ADCY1: variants seen among roughly 807,000 people sequenced by gnomAD.
ADCY1 encodes adenylate cyclase type 1.
ADCY1 carries 28 observed loss-of-function variants against 105.4 expected under a neutral mutation model. That is an observed-to-expected ratio of 0.27 (90% CI 0.20 to 0.36). The LOEUF (loss-of-function observed/expected upper bound fraction) is 0.36, where lower values mean the gene tolerates loss of function less well. ADCY1 is among the 10% of genes least tolerant of loss of function. The pLI is 1.00. For missense variants in ADCY1, 977 were observed against 1,434.2 expected (o/e 0.68, Z 5.15); for synonymous variants, 655 against 623.8 (o/e 1.05, Z -0.75).
At chr7:45,693,717 A>G (rs1312532588) in intron 14 of ADCY1, among the ~76,000 whole-genome samples, 1 of 150,356 alleles carries the variant, frequency 6.7e-6, no homozygotes, top group Admixed American at 6.7e-5. Context: ...AACCAACCCA[A>G]ATGTCCAACA....
In ADCY1 at chr7:45,693,108, G is replaced by A. The variant is rs1342970248; in HGVS notation, c.2454+6435G>A. ...GTTTCCAACATTCCTTTCGAAAAGCGATAGAATCGCTGGACAGAAAATCAG... is the reference window on the plus strand; with the variant it reads ...GTTTCCAACATTCCTTTCGAAAAGCAATAGAATCGCTGGACAGAAAATCAG... On this transcript the variant is annotated intron_variant, in intron 14 of 19. Transcript: ENST00000297323. 4.6e-5 allele frequency among the ~76,000 whole-genome samples: 7 copies of A among 152,288 alleles called. No homozygotes were observed. In the East Asian group the frequency reaches 1.2e-3, roughly 25 times the overall value.
At chr7:45,605,958 A>C (rs1461786765) in intron 2 of ADCY1, among the ~76,000 whole-genome samples, 1 of 151,688 alleles carries the variant, frequency 6.6e-6, no homozygotes, top group African/African-American at 2.4e-5. Context: ...GTTTTTGATG[A>C]TTTTCTGTGA....
Position 45,717,764 on chromosome 7 carries a change from G to T in ADCY1, c.*3769G>T, listed in dbSNP as rs1332377335. The T allele has an allele frequency of 1.3e-5, 2 of 152,444 alleles. No individual in the cohort carries two copies. The highest frequency in any genetic ancestry group is 2.9e-5 in the Non-Finnish European group (2 of 68,064). 9.4% of individuals were successfully genotyped at this position (152,444 alleles called of 1,614,324 possible). ...GGCCCGGGTGGTCCATGCCTGCGGGGTGTCTGTATCCTGCAGGAGGACGCC... is the reference window on the plus strand; with the variant it reads ...GGCCCGGGTGGTCCATGCCTGCGGGTTGTCTGTATCCTGCAGGAGGACGCC... On this transcript the variant is annotated 3_prime_UTR_variant, in exon 20 of 20. Transcript: ENST00000297323.
intron 18 of ADCY1, among the ~76,000 whole-genome samples, chr7:45,709,818 C>T (rs1236347751): frequency 3.3e-5 from 5 of 152,194 alleles, no homozygotes; most frequent in African/African-American, 7.2e-5. Flanking sequence ...ACGGGCCAGG[C>T]GTCACAGCCT....
intron 14 of ADCY1, among the ~76,000 whole-genome samples, chr7:45,692,557 G>T (rs1161335731): frequency 2.0e-5 from 3 of 152,210 alleles, no homozygotes; most frequent in African/African-American, 7.2e-5. Flanking sequence ...GGAAAGGGCA[G>T]AGTGCTAGGT....
At chr7:45,621,487 A>G (rs1167138806) in intron 3 of ADCY1, among the ~76,000 whole-genome samples, 1 of 152,256 alleles carries the variant, frequency 6.6e-6, no homozygotes, top group Non-Finnish European at 1.5e-5. Flanking sequence ...AAAAATTATT[A>G]TAAATGATTG....
chr7:45,588,517 A>G (rs1181855662), intron 1 of ADCY1, among the ~76,000 whole-genome samples: 1 of 152,206 alleles, frequency 6.6e-6, no homozygotes, highest in Non-Finnish European at 1.5e-5. Flanking sequence ...ACGTTTGCAT[A>G]TGTACCCATC....
At chr7:45,655,831 C>T (rs1794925294) in intron 5 of ADCY1, among the ~76,000 whole-genome samples, 1 of 152,022 alleles carries the variant, frequency 6.6e-6, no homozygotes, top group South Asian at 2.1e-4. Context: ...TTCGGAGGCA[C>T]AAACACTAAC....
rs1021604700 is a variant in ADCY1 at position 45,723,060 on chromosome 7, C to A, written c.*9065C>A. 12 of 152,092 alleles carry A rather than the reference C, an allele frequency of 7.9e-5. No homozygotes were observed. Among genetic ancestry groups the A allele is most frequent in the African/African-American group, 2.9e-4 (12 of 41,360 alleles). 9.4% of individuals were successfully genotyped at this position (152,092 alleles called of 1,614,324 possible). On this transcript the variant is annotated 3_prime_UTR_variant, in exon 20 of 20. Coordinates refer to ENST00000297323, the MANE Select transcript of ADCY1 (RefSeq NM_021116.4). Reference sequence around the variant, plus strand: ...GCAACTTTTCTACTGAGTGTTTGCACTATACTTTCTGGAATCTTATTTAAC... The same window carrying A: ...GCAACTTTTCTACTGAGTGTTTGCAATATACTTTCTGGAATCTTATTTAAC...
Position 45,720,915 on chromosome 7 carries a change from A to G in ADCY1, c.*6920A>G, listed in dbSNP as rs1318382304. The G allele has an allele frequency of 6.6e-6, 1 of 152,290 alleles. No individual in the cohort carries two copies. Among genetic ancestry groups the G allele is most frequent in the Non-Finnish European group, 1.5e-5 (1 of 68,104 alleles). The allele number at this position is 152,290 out of a possible 1,614,324, so 9.4% of individuals were successfully genotyped here. On this transcript the variant is annotated 3_prime_UTR_variant, in exon 20 of 20. Coordinates refer to ENST00000297323, the MANE Select transcript of ADCY1 (RefSeq NM_021116.4). ...ATACTCCTTATGTTGACAGTGAAGA[A>G]TCTGAGGCCCAGAGAGGTTGGGGAC...
intron 8 of ADCY1, among the ~76,000 whole-genome samples, chr7:45,674,730 T>C (rs759720572): frequency 5.3e-5 from 8 of 152,238 alleles, no homozygotes; most frequent in Non-Finnish European, 8.8e-5. Flanking sequence ...TATTGTTTTA[T>C]GCATACACAT....
chr7:45,674,004 T>G, intron 8 of ADCY1, among the ~76,000 whole-genome samples: 1 of 143,700 alleles, frequency 7.0e-6, no homozygotes, highest in Admixed American at 6.9e-5. Flanking sequence ...TATATATATA[T>G]ATATGTTTTT....
chr7:45,681,197 C>T (rs990925432), intron 11 of ADCY1, among the ~76,000 whole-genome samples: 6 of 152,206 alleles, frequency 3.9e-5, no homozygotes, highest in Non-Finnish European at 7.3e-5. Context: ...GGGATTGGGG[C>T]GCTAAGTCAT....
In ADCY1 at chr7:45,713,938, C is replaced by A. The variant is rs764918926; in HGVS notation, c.3303C>A (p.Leu1101=). ...CTGGCGTCTCAGTCAGGGCTGGGCTCCCTCCACACTCCCCAGGCCAGTACC... is the reference window on the plus strand; with the variant it reads ...CTGGCGTCTCAGTCAGGGCTGGGCTACCTCCACACTCCCCAGGCCAGTACC... ...PMPGVSVRAG[L]PPHSPGQYLP... is the part of the protein sequence containing the mutation. Residue 1101 remains leucine (L), a synonymous_variant, in exon 20 of 20, where the codon CTC becomes CTA. Coordinates refer to ENST00000297323, the MANE Select transcript of ADCY1 (RefSeq NM_021116.4). The A allele has an allele frequency of 6.4e-6, 5 of 780,496 alleles. No homozygotes were observed. Among genetic ancestry groups the A allele is most frequent in the South Asian group, 5.4e-5 (4 of 74,628 alleles). The allele number at this position is 780,496 out of a possible 1,614,324, so 48.3% of individuals were successfully genotyped here. A position where few individuals can be genotyped will look rare whatever the true frequency, so the allele number is the denominator to read the frequency against.
intron 19 of ADCY1, 54 bp from the exon 20 acceptor site, chr7:45,713,639 C>T (rs560722058): frequency 1.2e-5 from 9 of 744,518 alleles, no homozygotes; most frequent in African/African-American, 3.4e-5. Context: ...GGTCTCTTCC[C>T]AGAGGAGTCC....
At chr7:45,630,493 C>T (rs1200225745) in intron 4 of ADCY1, among the ~76,000 whole-genome samples, 1 of 152,186 alleles carries the variant, frequency 6.6e-6, no homozygotes, top group Non-Finnish European at 1.5e-5. Flanking sequence ...CAGAACGATA[C>T]TCCATCCAGA....
chr7:45,599,184 G>C (rs924553558), intron 2 of ADCY1, among the ~76,000 whole-genome samples: 1 of 152,094 alleles, frequency 6.6e-6, no homozygotes, highest in African/African-American at 2.4e-5. Context: ...CTCCCAACTT[G>C]TTGGTCATAT....
intron 8 of ADCY1, among the ~76,000 whole-genome samples, chr7:45,673,017 A>G (rs1784393409): frequency 6.6e-6 from 1 of 152,186 alleles, no homozygotes; most frequent in Non-Finnish European, 1.5e-5. Flanking sequence ...TTTATCATGA[A>G]TGGGTATTGA....
intron 5 of ADCY1, among the ~76,000 whole-genome samples, chr7:45,652,342 G>A (rs181277633): frequency 1.3e-5 from 2 of 152,298 alleles, no homozygotes; most frequent in African/African-American, 4.8e-5. Flanking sequence ...TGCAGATTCC[G>A]TGGTTCCAGA....
Sources: allele counts gnomAD v4.1 joint callset (sites outside exome capture counted in the v4.1 genomes callset), GRCh38; gene constraint gnomAD v4.1.1; transcripts MANE v1.5; gene names NCBI Gene and HGNC (gene_info 2026-07-23, HGNC 2026-07-21).